The following PMS1 variants were observed in gnomAD, a reference collection of about 807,000 sequenced individuals.
PMS1 encodes PMS1 protein homolog 1.
PMS1 carries 79 observed loss-of-function variants against 93.1 expected under a neutral mutation model. The ratio of observed to expected loss-of-function variants is 0.85; its 90% CI spans 0.71 to 1.02. PMS1 has a LOEUF of 1.02. PMS1 is among the 50% of genes least tolerant of loss of function. PMS1 has a pLI of 0.00. For synonymous variants in PMS1, 335 were observed against 363.4 expected, an observed-to-expected ratio of 0.92 and a Z score of 0.89; for missense variants, 1,064 against 1,085.3, an observed-to-expected ratio of 0.98 and a Z score of 0.28.
intron 10 of PMS1, among the ~76,000 whole-genome samples, chr2:189,867,383 G>A (rs530104152): frequency 3.3e-5 from 5 of 152,288 alleles, no homozygotes; most frequent in African/African-American, 1.2e-4. Context: ...GTTCCTAGAA[G>A]AAAGAGATTA....
rs1475865548 is a variant in PMS1, at chr2:189,851,538, A to C, written c.700-1117A>C. Among the ~76,000 whole-genome samples the C allele has an allele frequency of 3.3e-5, 5 of 152,222 alleles. No individual in the cohort carries two copies. The South Asian group carries it at 1.0e-3, about 32-fold the overall frequency. ...GGCACAATTTGGCATTGTGACAATA[A>C]TGCACTTAGTGTTCTAAAACTGGTA... On this transcript the variant is annotated intron_variant, in intron 6 of 12. Transcript: ENST00000441310.
At chr2:189,802,274 C>T (rs529359510) in intron 3 of PMS1, among the ~76,000 whole-genome samples, 19 of 152,190 alleles carry the variant, frequency 1.2e-4, no homozygotes, top group South Asian at 4.1e-4. Flanking sequence ...TACTGTTGAC[C>T]GGCCTCCTGT....
intron 6 of PMS1, among the ~76,000 whole-genome samples, chr2:189,844,450 C>G (rs1220695042): frequency 2.0e-5 from 3 of 152,068 alleles, no homozygotes; most frequent in Non-Finnish European, 4.4e-5. Flanking sequence ...TCAAGACCAG[C>G]CTGGCCAACA....
At chr2:189,864,279 C>A (rs755916076) in intron 10 of PMS1, 51 bp downstream of exon 10, 1 of 1,214,706 alleles carries the variant, frequency 8.2e-7, no homozygotes, top group Non-Finnish European at 1.2e-6. Context: ...TATAATAGTT[C>A]ATACTAGATT....
intron 5 of PMS1, among the ~76,000 whole-genome samples, chr2:189,821,557 C>T (rs778528024): frequency 6.6e-6 from 1 of 152,038 alleles, no homozygotes; most frequent in African/African-American, 2.4e-5. Flanking sequence ...ACCTGTAATC[C>T]CAGCACCTTG....
intron 3 of PMS1, among the ~76,000 whole-genome samples, chr2:189,803,639 C>A (rs867271929): frequency 6.6e-6 from 1 of 151,076 alleles, no homozygotes; most frequent in African/African-American, 2.5e-5. Context: ...AACCTGTGCC[C>A]GGTCCAAAAA....
Position 189,871,747 on chromosome 2 carries a change from G to A in PMS1, c.2474-1749G>A, listed in dbSNP as rs571141084. On this transcript the variant is annotated intron_variant, in intron 11 of 12. Transcript: ENST00000441310. ...CCCCACTCCTCAGTACTAATTTTCT[G>A]TGTTAGTTTGTTTGTGTTGCTATAA... Among the ~76,000 whole-genome samples, 3 of 152,210 alleles carry A rather than the reference G, an allele frequency of 2.0e-5. No individual in the cohort carries two copies. In the South Asian group the frequency reaches 6.2e-4, roughly 32 times the overall value.
Position 189,854,089 on chromosome 2 carries a change from CT to C in PMS1, c.966+11del. 6.4e-7 allele frequency: 1 copy of C among 1,565,226 alleles called. No homozygotes were observed. The highest frequency in any genetic ancestry group is 1.2e-5 in the South Asian group (1 of 84,674). On this transcript the variant is annotated splice_region_variant and intron_variant, in intron 8 of 12. Transcript: ENST00000441310. Reference sequence around the variant, plus strand: ...AGTATTATTACAAAATAAGGTAACTCTTTTCAGATAATTTTTTCTTATGCTA... The same window carrying C: ...AGTATTATTACAAAATAAGGTAACTCTTTCAGATAATTTTTTCTTATGCTA...
intron 4 of PMS1, among the ~76,000 whole-genome samples, chr2:189,808,676 C>T (rs2050561581): frequency 6.6e-6 from 1 of 152,118 alleles, no homozygotes; most frequent in Non-Finnish European, 1.5e-5. Flanking sequence ...ACTAGAAATT[C>T]CAGCTCTGGT....
chr2:189,868,192 C>CA (rs2056826224), intron 11 of PMS1, among the ~76,000 whole-genome samples: 1 of 152,200 alleles, frequency 6.6e-6, no homozygotes. Flanking sequence ...CATCCTTTGA[C>CA]ACAATATTCA....
intron 5 of PMS1, among the ~76,000 whole-genome samples, chr2:189,840,777 A>G (rs2053757651): frequency 6.6e-6 from 1 of 152,224 alleles, no homozygotes. Flanking sequence ...TTAGGATGCT[A>G]GAATAGTAGC....
chr2:189,838,901 C>G (rs1383975243), intron 5 of PMS1, among the ~76,000 whole-genome samples: 1 of 152,168 alleles, frequency 6.6e-6, no homozygotes, highest in African/African-American at 2.4e-5. Flanking sequence ...CCTCAGGTCA[C>G]CTATCGGAAT....
intron 5 of PMS1, among the ~76,000 whole-genome samples, chr2:189,830,744 T>C (rs2052856652): frequency 6.6e-6 from 1 of 152,240 alleles, no homozygotes; most frequent in South Asian, 2.1e-4. Flanking sequence ...CACTCCATTA[T>C]GCTGGTGGCA....
At chr2:189,825,553 T>C (rs1190544446) in intron 5 of PMS1, among the ~76,000 whole-genome samples, 1 of 152,194 alleles carries the variant, frequency 6.6e-6, no homozygotes, top group African/African-American at 2.4e-5. Context: ...GTGAAATGTA[T>C]GATTTCAAAT....
intron 7 of PMS1, 87 bp downstream of exon 7, chr2:189,852,864 TAAAAA>T (rs892268224): frequency 1.2e-6 from 1 of 831,372 alleles, no homozygotes; most frequent in South Asian, 1.5e-5. Context: ...TGCTCTAAAA[TAAAAA>T]AAAAGAAATA....
At chr2:189,859,462 G>A (rs1250703167) in intron 9 of PMS1, among the ~76,000 whole-genome samples, 1 of 152,054 alleles carries the variant, frequency 6.6e-6, no homozygotes, top group Non-Finnish European at 1.5e-5. Flanking sequence ...TCCAATTCTG[G>A]GTATGTACTG....
intron 6 of PMS1, 85 bp from the exon 7 acceptor site, chr2:189,852,570 T>G (rs1575272271): frequency 1.6e-6 from 2 of 1,214,170 alleles, no homozygotes; most frequent in Non-Finnish European, 2.4e-6. Flanking sequence ...GTTTTTTAAT[T>G]TTTTTATACC....
At chr2:189,874,476 A>G (rs2057398095) in intron 12 of PMS1, among the ~76,000 whole-genome samples, 1 of 152,202 alleles carries the variant, frequency 6.6e-6, no homozygotes, top group Non-Finnish European at 1.5e-5. Context: ...AAAGAAAAGG[A>G]TTAAGGAAGG....
chr2:189,819,233 G>A (rs1287377260), intron 5 of PMS1, among the ~76,000 whole-genome samples: 1 of 151,916 alleles, frequency 6.6e-6, no homozygotes, highest in Non-Finnish European at 1.5e-5. Context: ...CTTTTTTATG[G>A]TTGAATAGTA....
Sources: gnomAD v4.1 joint callset for allele counts (sites outside exome capture counted in the v4.1 genomes callset) on GRCh38, gnomAD v4.1.1 for gene constraint, MANE v1.5 for transcripts, NCBI Gene and HGNC (gene_info 2026-07-23, HGNC 2026-07-21) for gene names.